GOLGA4: variants seen among roughly 807,000 people sequenced by gnomAD.
GOLGA4 encodes golgin subfamily A member 4.
GOLGA4 carries 169 observed loss-of-function variants against 265.9 expected under a neutral mutation model. The observed-to-expected ratio is 0.64, with a 90% confidence interval of 0.56 to 0.72. The LOEUF (loss-of-function observed/expected upper bound fraction) is 0.72. Ranked by LOEUF, GOLGA4 falls within the 30% of genes least tolerant of loss-of-function variation. GOLGA4 has a pLI of 0.00. For missense variants in GOLGA4, 2,482 were observed against 2,483.4 expected (o/e 1.00, Z 0.01); for synonymous variants, 923 against 855.8 (o/e 1.08, Z -1.37).
intron 15 of GOLGA4, 33 bp downstream of exon 15, chr3:37,328,570 A>G (rs769649484): frequency 3.8e-6 from 6 of 1,575,056 alleles, no homozygotes; most frequent in Non-Finnish European, 5.2e-6. Context: ...AGGAACAATT[A>G]TATCAGCAGA....
intron 21 of GOLGA4, 101 bp downstream of exon 21, chr3:37,347,397 A>G: frequency 1.5e-6 from 1 of 653,798 alleles, no homozygotes; most frequent in Non-Finnish European, 2.8e-6. Flanking sequence ...CTATTAGCAA[A>G]TCAGACATGC....
Position 37,324,971 on chromosome 3 carries a change from A to G in GOLGA4, c.3085A>G (p.Ile1029Val), listed in dbSNP as rs749683908. The G allele has an allele frequency of 3.7e-6, 6 of 1,613,472 alleles. No individual in the cohort carries two copies. The South Asian group carries it at 5.5e-5, about 15-fold the overall frequency. ...SRLETNQKEQIESLTEVHRRE... is the reference protein window; with the variant it reads ...SRLETNQKEQVESLTEVHRRE... Reference sequence around the variant, plus strand: ...ACTGGAAACAAACCAAAAAGAACAAATAGAAAGTCTTACTGAGGTTCATCG... The same window carrying G: ...ACTGGAAACAAACCAAAAAGAACAAGTAGAAAGTCTTACTGAGGTTCATCG... The change falls in exon 14 of 24, where the codon ATA becomes GTA. Residue 1029 changes from isoleucine (I) to valine (V), a missense_variant. Ile to Val is a conservative substitution (Grantham distance 29). Coordinates refer to ENST00000361924, the MANE Select transcript of GOLGA4 (RefSeq NM_002078.5).
intron 3 of GOLGA4, among the ~76,000 whole-genome samples, chr3:37,282,608 T>A (rs1370204493): frequency 1.3e-5 from 2 of 152,198 alleles, no homozygotes; most frequent in African/African-American, 4.8e-5. Flanking sequence ...CTGGCTCATA[T>A]CCTCTCCTTT....
chr3:37,276,220 A>G, intron 2 of GOLGA4: 3 of 1,558,532 alleles, frequency 1.9e-6, no homozygotes, highest in Middle Eastern at 2.1e-4. Flanking sequence ...AAGAAGCTAT[A>G]TATCAAGAAA....
chr3:37,246,957 G>C lies in GOLGA4; in HGVS notation c.72+3335G>C, dbSNP rs148182002. Among the ~76,000 whole-genome samples, 977 of 152,164 alleles carry C rather than the reference G, an allele frequency of 6.4e-3. 12 individuals carry two copies. The highest frequency in any genetic ancestry group is 0.022 in the African/African-American group (924 of 41,486). Reference sequence around the variant, plus strand: ...AAAAAAACCAGCAAACAGTTCCACAGATAACAGGGAAAAGAGTCCTTTCTG... The same window carrying C: ...AAAAAAACCAGCAAACAGTTCCACACATAACAGGGAAAAGAGTCCTTTCTG... On this transcript the variant is annotated intron_variant, in intron 1 of 23. Coordinates refer to ENST00000361924, the MANE Select transcript of GOLGA4 (RefSeq NM_002078.5).
At chr3:37,294,100 A>AT (rs2096871981) in intron 5 of GOLGA4, among the ~76,000 whole-genome samples, 1 of 152,200 alleles carries the variant, frequency 6.6e-6, no homozygotes, top group Admixed American at 6.5e-5. Context: ...TGAACGGGTA[A>AT]TTACTGGTGG....
Position 37,324,522 on chromosome 3 carries a change from A to G in GOLGA4, c.2636A>G (p.Gln879Arg). ...QLEKQNSEME[Q>R]KVKSLTQVYE... ...GAAAAACAAAATAGTGAAATGGAGC[A>G]AAAAGTAAAATCTTTAACCCAAGTC... The change falls in exon 14 of 24, where the codon CAA (glutamine) becomes CGA (arginine). Residue 879 changes from glutamine to arginine, a missense_variant. By Grantham distance (43) the Gln-to-Arg change is conservative. Coordinates refer to ENST00000361924, the MANE Select transcript of GOLGA4 (RefSeq NM_002078.5). 6.2e-7 allele frequency: 1 copy of G among 1,613,974 alleles called. No individual in the cohort carries two copies. Among genetic ancestry groups the G allele is most frequent in the Non-Finnish European group, 8.5e-7 (1 of 1,179,940 alleles).
intron 2 of GOLGA4, chr3:37,275,737 G>A: frequency 6.2e-7 from 1 of 1,612,788 alleles, no homozygotes; most frequent in Non-Finnish European, 8.5e-7. Context: ...TGGACAAGAT[G>A]GTGCAGAAGA....
intron 2 of GOLGA4, among the ~76,000 whole-genome samples, chr3:37,277,453 T>C (rs2096822481): frequency 6.6e-6 from 1 of 152,224 alleles, no homozygotes; most frequent in Admixed American, 6.5e-5. Context: ...AGCATCTTAG[T>C]GTAGTATAGC....
intron 13 of GOLGA4, among the ~76,000 whole-genome samples, chr3:37,322,392 C>A (rs1319770759): frequency 6.6e-6 from 1 of 152,100 alleles, no homozygotes; most frequent in Non-Finnish European, 1.5e-5. Flanking sequence ...CCAGAGTGTA[C>A]GTTTTTTTAA....
intron 23 of GOLGA4, among the ~76,000 whole-genome samples, chr3:37,364,716 A>AACTC (rs112719298): frequency 0.016 from 2,436 of 150,936 alleles, 31 homozygotes; most frequent in South Asian, 0.049. Flanking sequence ...CCTTCTGAGT[A>AACTC]GCTGGGACCA....
Position 37,319,204 on chromosome 3 carries a change from T to A in GOLGA4, c.1545+10T>A. Reference sequence around the variant, plus strand: ...AATGAAAGTAGCTCTTGTAAGTGACTATTTTTTTTTTTCTGCTATAGGTAT... The same window carrying A: ...AATGAAAGTAGCTCTTGTAAGTGACAATTTTTTTTTTTCTGCTATAGGTAT... On this transcript the variant is annotated intron_variant, in intron 12 of 23. Coordinates refer to ENST00000361924, the MANE Select transcript of GOLGA4 (RefSeq NM_002078.5). The A allele has an allele frequency of 1.3e-6, 2 of 1,585,126 alleles. No individual in the cohort carries two copies. Among genetic ancestry groups the A allele is most frequent in the Non-Finnish European group, 1.7e-6 (2 of 1,168,356 alleles).
rs144373648 is a variant in GOLGA4, at chr3:37,270,202, C to CTT, written c.163-11736_163-11735dup. Among the ~76,000 whole-genome samples the CTT allele has an allele frequency of 1.2e-3, 124 of 99,876 alleles. 1 individual carries two copies. The highest frequency in any genetic ancestry group is 2.5e-3 in the African/African-American group (60 of 23,758). 65.5% of individuals were successfully genotyped at this position (99,876 alleles called of 152,430 possible). On this transcript the variant is annotated intron_variant, in intron 2 of 23. Coordinates refer to ENST00000361924, the MANE Select transcript of GOLGA4 (RefSeq NM_002078.5). ...AGCCACTGAGCCCGGCCAGTTGTAG[C>CTT]TTTTTTTTTTTTTTTTTTTTTGAGG...
chr3:37,289,633 G>T (rs1374897669), intron 5 of GOLGA4, among the ~76,000 whole-genome samples: 3 of 151,982 alleles, frequency 2.0e-5, no homozygotes, highest in Non-Finnish European at 2.9e-5. Flanking sequence ...AATAAATTAT[G>T]TTTACTGTAA....
rs891014578 is a variant in GOLGA4 at position 37,328,996 on chromosome 3, A to G, written c.6095A>G (p.Glu2032Gly). 5 of 1,608,740 alleles carry G rather than the reference A, an allele frequency of 3.1e-6. No homozygotes were observed. The African/African-American group carries it at 5.4e-5, about 17-fold the overall frequency. Residue 2032 changes from glutamate (E) to glycine (G), a missense_variant, in exon 16 of 24, where the codon GAA becomes GGA. By Grantham distance (98) the Glu-to-Gly change is moderately conservative. Around this residue, in one of 3 missense-constraint regions of GOLGA4, gnomAD observed 942 missense variants for 983.1 expected, o/e 0.96. Transcript: ENST00000361924. ...CAGGAGGTGGAGGCTGAACTTTTAG[A>G]AAGCCATCAAGAAGAGACAAATCAG... ...KAQEVEAELL[E>G]SHQEETNQLL...
rs552845567 is a variant in GOLGA4 at position 37,327,733 on chromosome 3, G to T, written c.5847G>T (p.Leu1949Phe). ...AACTGGGCAAGGAGATTGTTAGATT[G>T]CAGAAAGACCTTCGAATGTTGAGAA... ...KQKLGKEIVRLQKDLRMLRKE... is the reference protein window; with the variant it reads ...KQKLGKEIVRFQKDLRMLRKE... Residue 1949 changes from leucine (L) to phenylalanine (F), a missense_variant, in exon 14 of 24, where the codon TTG (leucine) becomes TTT (phenylalanine). Leu to Phe is a conservative substitution (Grantham distance 22, BLOSUM62 0). Coordinates refer to ENST00000361924, the MANE Select transcript of GOLGA4 (RefSeq NM_002078.5). 21 of 1,613,502 alleles carry T rather than the reference G, an allele frequency of 1.3e-5. No individual in the cohort carries two copies. Among genetic ancestry groups the T allele is most frequent in the South Asian group, 1.2e-4 (11 of 91,058 alleles).
intron 21 of GOLGA4, among the ~76,000 whole-genome samples, chr3:37,353,186 T>G (rs987312287): frequency 2.6e-5 from 4 of 151,942 alleles, no homozygotes; most frequent in Admixed American, 2.6e-4. Context: ...GGTCACAGAG[T>G]ACAGTAACAG....
intron 2 of GOLGA4, among the ~76,000 whole-genome samples, chr3:37,261,004 CA>C (rs11348079): frequency 0.44 from 59,697 of 134,356 alleles, 13,094 homozygotes; most frequent in African/African-American, 0.54. Flanking sequence ...CTGTCTCTAC[CA>C]AAAAAAAAAA....
At chr3:37,353,824 C>T (rs1000497550) in intron 21 of GOLGA4, among the ~76,000 whole-genome samples, 3 of 151,974 alleles carry the variant, frequency 2.0e-5, no homozygotes, top group Non-Finnish European at 2.9e-5. Flanking sequence ...AACTTTAGGA[C>T]TCAAGCGATC....
Sources: gnomAD v4.1 joint callset for allele counts (sites outside exome capture counted in the v4.1 genomes callset) on GRCh38, gnomAD v4.1.1 for gene constraint, gnomAD v4.1.1 regional missense constraint, MANE v1.5 for transcripts, NCBI Gene and HGNC (gene_info 2026-07-23, HGNC 2026-07-21) for gene names.